Variants in ARK2N observed in about 807,000 individuals in gnomAD.
ARK2N encodes protein ARK2N.
chr18:46,196,232 G>A, the ARK2N span, among the ~76,000 whole-genome samples: 1,863 of 151,470 alleles, frequency 0.012, 46 homozygotes, highest in African/African-American at 0.043. Flanking sequence ...CACCCGCCTC[G>A]GCCTCCCAAA....
the ARK2N span, among the ~76,000 whole-genome samples, chr18:46,176,813 C>T: frequency 6.6e-6 from 1 of 152,242 alleles, no homozygotes; most frequent in Non-Finnish European, 1.5e-5. Context: ...GACGGGTTTT[C>T]TCTGTGTTGG....
At chr18:46,199,505 T>TTG in the ARK2N span, among the ~76,000 whole-genome samples, 3 of 144,664 alleles carry the variant, frequency 2.1e-5, no homozygotes, top group South Asian at 6.6e-4. Flanking sequence ...TTTTTTTTTT[T>TTG]TAGTAGAGGT....
the ARK2N span, chr18:46,264,141 A>G: frequency 6.6e-6 from 1 of 152,650 alleles, no homozygotes; most frequent in Non-Finnish European, 1.5e-5. Context: ...CTTCTAAAAA[A>G]AAATACCATA....
chr18:46,184,401 C>T, the ARK2N span, among the ~76,000 whole-genome samples: 14 of 151,922 alleles, frequency 9.2e-5, no homozygotes, highest in Non-Finnish European at 2.1e-4. Flanking sequence ...GGATGACAGG[C>T]GTGAGCTACT....
At chr18:46,204,922 CT>C in the ARK2N span, among the ~76,000 whole-genome samples, 2 of 73,270 alleles carry the variant, frequency 2.7e-5, no homozygotes, top group Non-Finnish European at 6.6e-5. Context: ...CTTTTCTTTT[CT>C]TTTTTCTTTT....
the ARK2N span, among the ~76,000 whole-genome samples, chr18:46,243,613 T>C: frequency 6.6e-6 from 1 of 152,238 alleles, no homozygotes; most frequent in Non-Finnish European, 1.5e-5. Flanking sequence ...GAGAAGCTAC[T>C]GATCAACAAA....
chr18:46,233,868 C>T, the ARK2N span, among the ~76,000 whole-genome samples: 3 of 152,036 alleles, frequency 2.0e-5, no homozygotes, highest in East Asian at 1.9e-4. Context: ...GACTTAATTC[C>T]GAAACAAAGT....
chr18:46,257,565 A>T, the ARK2N span, among the ~76,000 whole-genome samples: 2 of 152,226 alleles, frequency 1.3e-5, no homozygotes, highest in South Asian at 2.1e-4. Context: ...AGTTTCACAG[A>T]TGCTCTTTGC....
At chr18:46,249,703 A>G in the ARK2N span, among the ~76,000 whole-genome samples, 1 of 152,214 alleles carries the variant, frequency 6.6e-6, no homozygotes, top group African/African-American at 2.4e-5. Flanking sequence ...GTTAAAAACT[A>G]TGTATATACA....
At chr18:46,201,764 C>G in the ARK2N span, among the ~76,000 whole-genome samples, 5 of 143,296 alleles carry the variant, frequency 3.5e-5, no homozygotes, top group East Asian at 1.1e-3. Flanking sequence ...ATCTAGTTTT[C>G]TTTTCTTTTC....
At chr18:46,195,310 C>A in the ARK2N span, among the ~76,000 whole-genome samples, 2 of 147,356 alleles carry the variant, frequency 1.4e-5, no homozygotes, top group Non-Finnish European at 3.0e-5. Flanking sequence ...ACTCAGTTGC[C>A]CAGGCTGGAG....
At chr18:46,244,921 C>A in the ARK2N span, among the ~76,000 whole-genome samples, 3 of 151,766 alleles carry the variant, frequency 2.0e-5, no homozygotes, top group Admixed American at 2.0e-4. Flanking sequence ...TTTTTGAGCT[C>A]TTCCTTCACT....
At chr18:46,251,826 A>G in the ARK2N span, among the ~76,000 whole-genome samples, 1 of 152,136 alleles carries the variant, frequency 6.6e-6, no homozygotes. Context: ...AAGGTATAAA[A>G]ATTGTAAGCC....
chr18:46,197,799 T>C, the ARK2N span, among the ~76,000 whole-genome samples: 1 of 152,180 alleles, frequency 6.6e-6, no homozygotes, highest in Non-Finnish European at 1.5e-5. Context: ...ATTTCTGAAA[T>C]CCAGGAGGAC....
the ARK2N span, among the ~76,000 whole-genome samples, chr18:46,202,363 A>G: frequency 6.6e-6 from 1 of 152,212 alleles, no homozygotes; most frequent in Admixed American, 6.5e-5. Context: ...TACTTGTAGC[A>G]TAGAAAAGGC....
the ARK2N span, among the ~76,000 whole-genome samples, chr18:46,188,206 A>G: frequency 3.3e-5 from 5 of 152,196 alleles, no homozygotes; most frequent in East Asian, 1.9e-4. Flanking sequence ...AATCTTATAT[A>G]TATATATTTT....
the ARK2N span, among the ~76,000 whole-genome samples, chr18:46,258,752 A>G: frequency 6.6e-6 from 1 of 152,044 alleles, no homozygotes; most frequent in Non-Finnish European, 1.5e-5. Flanking sequence ...GTATGTTCCT[A>G]CCTCATGTCT....
chr18:46,211,460 T>C, the ARK2N span, among the ~76,000 whole-genome samples: 2 of 152,206 alleles, frequency 1.3e-5, no homozygotes, highest in South Asian at 2.1e-4. Flanking sequence ...TCAGGTTGCA[T>C]TGGGTTGCAG....
At chr18:46,211,469 A>AGGGG in the ARK2N span, among the ~76,000 whole-genome samples, 1 of 152,272 alleles carries the variant, frequency 6.6e-6, no homozygotes, top group South Asian at 2.1e-4. Context: ...ATTGGGTTGC[A>AGGGG]GAAGGGAGTG....
Sources: allele counts gnomAD v4.1 joint callset (sites outside exome capture counted in the v4.1 genomes callset), GRCh38; gene constraint gnomAD v4.1.1; transcripts MANE v1.5; gene names NCBI Gene and HGNC (gene_info 2026-07-23, HGNC 2026-07-21).